Variants in NAA30 observed in about 807,000 individuals in gnomAD.
NAA30 encodes the protein N-alpha-acetyltransferase 30, NatC catalytic subunit.
In NAA30, 5 loss-of-function variants were observed where a neutral mutation model predicts 31.4. The ratio of observed to expected loss-of-function variants is 0.16; its 90% CI spans 0.08 to 0.33. The LOEUF (loss-of-function observed/expected upper bound fraction) is 0.33, where lower values mean the gene tolerates loss of function less well. Ranked by LOEUF, NAA30 falls within the 10% of genes least tolerant of loss-of-function variation. NAA30 has a pLI of 1.00. For synonymous variants in NAA30, 222 were observed against 207.1 expected (o/e 1.07, Z -0.62); for missense variants, 428 against 490.8 (o/e 0.87, Z 1.21).
chr14:57,406,425 G>A (rs558271734), intron 4 of NAA30, among the ~76,000 whole-genome samples: 6 of 152,272 alleles, frequency 3.9e-5, no homozygotes, highest in Admixed American at 6.5e-5. Flanking sequence ...GAAATGAGGG[G>A]GAGGTACAGT....
Position 57,411,060 on chromosome 14 carries a change from C to CTTTTT in NAA30, c.*1555_*1559dup, listed in dbSNP as rs79078127. 9.3e-5 allele frequency: 11 copies of CTTTTT among 117,824 alleles called. No homozygotes were observed. The highest frequency in any genetic ancestry group is 2.6e-4 in the East Asian group (1 of 3,898). 7.3% of individuals were successfully genotyped at this position (117,824 alleles called of 1,614,324 possible). On this transcript the variant is annotated 3_prime_UTR_variant, in exon 5 of 5. Transcript: ENST00000556492. ...GGCCCCTTTTCAGGAAAGTTTGTTG[C>CTTTTT]TTTTTTTTTTTTTTTAAAGGAAAGC... is the stretch of plus-strand genomic sequence containing the variant.
chr14:57,393,116 G>A (rs1316617709), intron 2 of NAA30, among the ~76,000 whole-genome samples: 1 of 152,182 alleles, frequency 6.6e-6, no homozygotes, highest in Non-Finnish European at 1.5e-5. Context: ...TTAACCCACA[G>A]AAGTAGATGA....
In NAA30 at chr14:57,396,776, G is replaced by A. The variant is rs1393468360; in HGVS notation, c.796G>A (p.Gly266Ser). Residue 266 changes from glycine (G) to serine (S), a missense_variant, in exon 3 of 5, where the codon GGT (glycine) becomes AGT (serine). This residue lies in a region of NAA30 where 79 missense variants were observed against 180.3 expected (regional missense o/e 0.44). Transcript: ENST00000556492. ...FLAMVGEECV[G>S]AIVCKLDMHK... is the part of the protein sequence containing the mutation. ...GGCCATGGTAGGGGAGGAGTGTGTA[G>A]GTGCCATCGTTTGCAAGTTGGATAT... is the stretch of plus-strand genomic sequence containing the variant. The A allele has an allele frequency of 6.2e-7, 1 of 1,613,924 alleles. No homozygotes were observed. Among genetic ancestry groups the A allele is most frequent in the Non-Finnish European group, 8.5e-7 (1 of 1,179,948 alleles).
intron 4 of NAA30, among the ~76,000 whole-genome samples, chr14:57,407,346 A>G (rs1311233828): frequency 1.3e-5 from 2 of 152,186 alleles, no homozygotes; most frequent in Admixed American, 1.3e-4. Flanking sequence ...TAGATTTAGC[A>G]TTGGTCCCTG....
chr14:57,396,309 T>G (rs1245569081), intron 2 of NAA30, among the ~76,000 whole-genome samples: 1 of 152,234 alleles, frequency 6.6e-6, no homozygotes, highest in East Asian at 1.9e-4. Context: ...TATTTAAATT[T>G]ACATTCTGCT....
At chr14:57,406,870 A>G (rs1394700666) in intron 4 of NAA30, among the ~76,000 whole-genome samples, 1 of 152,094 alleles carries the variant, frequency 6.6e-6, no homozygotes, top group Non-Finnish European at 1.5e-5. Flanking sequence ...AAATTTAATT[A>G]TGTCTGTGTG....
intron 4 of NAA30, among the ~76,000 whole-genome samples, chr14:57,406,499 G>A (rs761980471): frequency 1.7e-4 from 26 of 152,060 alleles, no homozygotes; most frequent in Non-Finnish European, 3.2e-4. Context: ...TCTGTTGGTG[G>A]CCTTGAGTTT....
At position 57,403,729 on chromosome 14, in the gene NAA30, T is replaced by A. The variant is rs1024256784; in HGVS notation, c.951+3846T>A. Among the ~76,000 whole-genome samples the A allele has an allele frequency of 2.0e-5, 3 of 152,204 alleles. No individual in the cohort carries two copies. In the East Asian group the frequency reaches 5.8e-4, roughly 29 times the overall value. On this transcript the variant is annotated intron_variant, in intron 4 of 4. Transcript: ENST00000556492. ...AGATGTGTAGTGGCTAGGACAAGTA[T>A]CTCAGGTTCATGTTTCACAATAGAA...
intron 2 of NAA30, among the ~76,000 whole-genome samples, chr14:57,393,789 A>G (rs1010601890): frequency 6.6e-6 from 1 of 152,144 alleles, no homozygotes; most frequent in African/African-American, 2.4e-5. Flanking sequence ...AAAATGTTTC[A>G]ATCTCCAGAT....
At chr14:57,395,929 T>A (rs1490436849) in intron 2 of NAA30, among the ~76,000 whole-genome samples, 2 of 152,172 alleles carry the variant, frequency 1.3e-5, no homozygotes, top group East Asian at 3.8e-4. Flanking sequence ...GGTGTAAATA[T>A]GTATTATATC....
chr14:57,392,138 G>C (rs1157352876), intron 2 of NAA30, among the ~76,000 whole-genome samples: 1 of 152,224 alleles, frequency 6.6e-6, no homozygotes, highest in African/African-American at 2.4e-5. Flanking sequence ...TCAGGGAAGA[G>C]TGTATGCATA....
rs1183322030 is a variant in NAA30 at position 57,396,613 on chromosome 14, TG to T, written c.772-138del. The T allele has an allele frequency of 4.0e-6, 3 of 742,868 alleles. No homozygotes were observed. In the African/African-American group the frequency reaches 5.2e-5, roughly 13 times the overall value. 46.0% of individuals were successfully genotyped at this position (742,868 alleles called of 1,614,324 possible). On this transcript the variant is annotated intron_variant, in intron 2 of 4. Coordinates refer to ENST00000556492, the MANE Select transcript of NAA30 (RefSeq NM_001011713.3). ...AGGGGATTTAGATTTCTGAAACTTC[TG>T]TGACTGCTGTCTTGCAAGAGTTCCC...
Position 57,410,850 on chromosome 14 carries a change from T to G in NAA30, c.*1334T>G, listed in dbSNP as rs1481471228. On this transcript the variant is annotated 3_prime_UTR_variant, in exon 5 of 5. Coordinates refer to ENST00000556492, the MANE Select transcript of NAA30 (RefSeq NM_001011713.3). ...AGTCAGTAAACCTGTGATAGATAAT[T>G]TATTTAACTGGAAAACCTAGGTACC... is the stretch of plus-strand genomic sequence containing the variant. The G allele has an allele frequency of 6.6e-6, 1 of 152,572 alleles. No individual in the cohort carries two copies. 9.5% of individuals were successfully genotyped at this position (152,572 alleles called of 1,614,324 possible).
At chr14:57,399,019 G>A (rs1258346385) in intron 3 of NAA30, among the ~76,000 whole-genome samples, 3 of 150,894 alleles carry the variant, frequency 2.0e-5, no homozygotes, top group Non-Finnish European at 2.9e-5. Flanking sequence ...GAGCCACCAC[G>A]CCTGGCCAAT....
intron 2 of NAA30, among the ~76,000 whole-genome samples, chr14:57,392,819 G>A (rs766665455): frequency 6.6e-6 from 1 of 152,096 alleles, no homozygotes; most frequent in East Asian, 1.9e-4. Context: ...TTATCTTTTT[G>A]ATTCTCTAGC....
In NAA30 at chr14:57,400,098, G is replaced by GA. The variant is rs199820497; in HGVS notation, c.951+217dup. Among the ~76,000 whole-genome samples the GA allele has an allele frequency of 1.1e-4, 17 of 152,064 alleles. No individual in the cohort carries two copies. The East Asian group carries it at 2.7e-3, about 24-fold the overall frequency. On this transcript the variant is annotated intron_variant, in intron 4 of 4. Coordinates refer to ENST00000556492, the MANE Select transcript of NAA30 (RefSeq NM_001011713.3). The stretch of plus-strand genomic sequence containing the variant: ...AAAATTTCTTCAAAATGTGTGGGGG[G>GA]AATCTTAGACATTTTCAGTACACAA...
intron 4 of NAA30, among the ~76,000 whole-genome samples, chr14:57,402,060 G>A (rs1243650971): frequency 6.6e-6 from 1 of 152,044 alleles, no homozygotes; most frequent in Non-Finnish European, 1.5e-5. Flanking sequence ...ACTTTGTCTT[G>A]GTATAAAAAT....
chr14:57,394,110 T>TAAAAAAAAAA (rs11326184), intron 2 of NAA30, among the ~76,000 whole-genome samples: 1 of 137,286 alleles, frequency 7.3e-6, no homozygotes, highest in Non-Finnish European at 1.6e-5. Context: ...GTAAAAGATG[T>TAAAAAAAAAA]AAAAAAAAAA....
At position 57,414,302 on chromosome 14, in the gene NAA30, T is replaced by C. The variant is rs1338669942; in HGVS notation, c.*4786T>C. The C allele has an allele frequency of 6.6e-6, 1 of 152,186 alleles. No homozygotes were observed. The highest frequency in any genetic ancestry group is 1.5e-5 in the Non-Finnish European group (1 of 68,038). 9.4% of individuals were successfully genotyped at this position (152,186 alleles called of 1,614,324 possible). A position where few individuals can be genotyped will look rare whatever the true frequency, so the allele number is the denominator to read the frequency against. ...ATAGCTGAACTGTTTATACTGACAA[T>C]ATATTTCATTAATACAGTGTTTGAC... is the stretch of plus-strand genomic sequence containing the variant. On this transcript the variant is annotated 3_prime_UTR_variant, in exon 5 of 5. Transcript: ENST00000556492.
Sources: gnomAD v4.1 joint callset for allele counts (sites outside exome capture counted in the v4.1 genomes callset) on GRCh38, gnomAD v4.1.1 for gene constraint, gnomAD v4.1.1 regional missense constraint, MANE v1.5 for transcripts, NCBI Gene and HGNC (gene_info 2026-07-23, HGNC 2026-07-21) for gene names.